Variants in SEC24B observed in about 807,000 individuals in gnomAD.
SEC24B encodes the protein protein transport protein Sec24B.
SEC24B carries 45 observed loss-of-function variants against 142.8 expected under a neutral mutation model. The ratio of observed to expected loss-of-function variants is 0.32; its 90% CI spans 0.25 to 0.40. SEC24B has a LOEUF of 0.40. Among genes scored for constraint, SEC24B ranks in the 10% least tolerant of loss-of-function variants. The pLI is 1.00. For synonymous variants in SEC24B, 574 were observed against 568.2 expected (o/e 1.01, Z -0.15); for missense variants, 1,409 against 1,526.8 (o/e 0.92, Z 1.29).
chr4:109,444,577 T>G (rs1205853084), intron 1 of SEC24B, among the ~76,000 whole-genome samples: 3 of 151,790 alleles, frequency 2.0e-5, no homozygotes, highest in Admixed American at 2.0e-4. Context: ...AGAGAATCAG[T>G]TTTCCTTTGG....
intron 2 of SEC24B, among the ~76,000 whole-genome samples, chr4:109,467,376 G>GTT (rs1334989182): frequency 1.3e-5 from 2 of 151,046 alleles, no homozygotes; most frequent in Admixed American, 1.3e-4. Flanking sequence ...TGTTTTGAGT[G>GTT]TTACATTAGT....
At chr4:109,519,266 A>G (rs1366794410) in intron 11 of SEC24B, among the ~76,000 whole-genome samples, 2 of 152,204 alleles carry the variant, frequency 1.3e-5, no homozygotes, top group East Asian at 3.9e-4. Flanking sequence ...AAAGTATGAT[A>G]TAGGAGCCAC....
At chr4:109,481,505 A>G (rs181726920) in intron 3 of SEC24B, among the ~76,000 whole-genome samples, 172 bp from the exon 4 acceptor site, 294 of 152,378 alleles carry the variant, frequency 1.9e-3, no homozygotes, top group Non-Finnish European at 3.5e-3. Context: ...ACTGCTTTGC[A>G]GAGATTTTCT....
chr4:109,463,557 T>A lies in SEC24B; in HGVS notation c.790T>A (p.Ser264Thr). ...LSGYSTLTWS[S>T]PGLPSTQDNL... ...AGGATACAGTACTCTAACGTGGTCA[T>A]CTCCAGGCCTTCCATCGACTCAAGA... Residue 264 changes from serine (S) to threonine (T), a missense_variant, in exon 2 of 24, where the codon TCT becomes ACT. Around this residue, in one of 2 missense-constraint regions of SEC24B, gnomAD observed 709 missense variants for 673.5 expected, o/e 1.05. Coordinates refer to ENST00000265175, the MANE Select transcript of SEC24B (RefSeq NM_006323.5). The A allele has an allele frequency of 6.2e-7, 1 of 1,614,148 alleles. No homozygotes were observed. The highest frequency in any genetic ancestry group is 2.2e-5 in the East Asian group (1 of 44,874).
chr4:109,437,351 A>G (rs1322272321), intron 1 of SEC24B, among the ~76,000 whole-genome samples: 2 of 152,156 alleles, frequency 1.3e-5, no homozygotes, highest in East Asian at 1.9e-4. Flanking sequence ...TGACTCCATC[A>G]TAGCTAACTG....
intron 1 of SEC24B, among the ~76,000 whole-genome samples, chr4:109,462,644 T>A (rs1383751920): frequency 2.0e-5 from 3 of 152,142 alleles, no homozygotes; most frequent in Admixed American, 6.5e-5. Context: ...TCATCACCTT[T>A]GCCGTATGCT....
intron 1 of SEC24B, among the ~76,000 whole-genome samples, chr4:109,460,046 G>GA (rs770411114): frequency 3.3e-5 from 5 of 152,074 alleles, no homozygotes; most frequent in Non-Finnish European, 5.9e-5. Flanking sequence ...AATAATCTAA[G>GA]AAAAGTAAAT....
intron 1 of SEC24B, 129 bp downstream of exon 1, chr4:109,434,131 C>T (rs1022174442): frequency 7.9e-5 from 47 of 598,700 alleles, no homozygotes; most frequent in African/African-American, 1.6e-4. Flanking sequence ...GGGACGGGAG[C>T]GGGCGCGGTG....
At chr4:109,489,606 T>C (rs1458006562) in intron 4 of SEC24B, among the ~76,000 whole-genome samples, 1 of 144,090 alleles carries the variant, frequency 6.9e-6, no homozygotes, top group East Asian at 1.9e-4. Context: ...AATAGAATTA[T>C]ATATATTATA....
chr4:109,509,936 T>C (rs1737141975), intron 7 of SEC24B, 73 bp from the exon 8 acceptor site: 2 of 853,806 alleles, frequency 2.3e-6, no homozygotes, highest in African/African-American at 3.5e-5. Context: ...TAAATGTTCT[T>C]AGTTATCTTA....
chr4:109,530,105 C>T (rs1240371357), intron 18 of SEC24B, among the ~76,000 whole-genome samples, 184 bp from the exon 19 acceptor site: 2 of 152,122 alleles, frequency 1.3e-5, no homozygotes, highest in African/African-American at 4.8e-5. Flanking sequence ...TTCTGATTGT[C>T]AGATTTATTT....
intron 21 of SEC24B, 45 bp downstream of exon 21, chr4:109,532,788 C>A (rs376252432): frequency 1.0e-6 from 1 of 981,376 alleles, no homozygotes; most frequent in Admixed American, 1.8e-5. Context: ...TTGAGCTGAC[C>A]AAAAACAAAG....
intron 22 of SEC24B, among the ~76,000 whole-genome samples, chr4:109,534,872 A>T (rs555364093): frequency 3.3e-5 from 5 of 152,286 alleles, no homozygotes; most frequent in Admixed American, 1.3e-4. Context: ...GAGATGGGGT[A>T]TCCCTGTGTA....
intron 1 of SEC24B, among the ~76,000 whole-genome samples, chr4:109,456,744 C>G (rs531417821): frequency 6.6e-6 from 1 of 152,150 alleles, no homozygotes; most frequent in Non-Finnish European, 1.5e-5. Context: ...AATATGAACC[C>G]CATTTGGTCA....
At chr4:109,462,856 A>G in intron 1 of SEC24B, 45 bp from the exon 2 acceptor site, 1 of 1,426,496 alleles carries the variant, frequency 7.0e-7, no homozygotes, top group Non-Finnish European at 9.4e-7. Flanking sequence ...ATTTTTAAAA[A>G]TTAGTTATCT....
chr4:109,531,849 T>C lies in SEC24B; in HGVS notation c.3390+327T>C, dbSNP rs72898782. Among the ~76,000 whole-genome samples, 561 of 152,276 alleles carry C rather than the reference T, an allele frequency of 3.7e-3. 5 individuals carry two copies. The highest frequency in any genetic ancestry group is 0.013 in the African/African-American group (546 of 41,564). On this transcript the variant is annotated intron_variant, in intron 20 of 23. Transcript: ENST00000265175. ...TTTTGTAGATATTGACTGCTTCTCT[T>C]TATTTTCTTTTTTTTAAATTTTATT...
intron 1 of SEC24B, among the ~76,000 whole-genome samples, chr4:109,458,535 A>T (rs1357812927): frequency 6.6e-6 from 1 of 152,226 alleles, no homozygotes; most frequent in Admixed American, 6.5e-5. Context: ...TTACCTACAG[A>T]TCTATTTATT....
At chr4:109,518,220 TC>T (rs1372436218) in intron 11 of SEC24B, among the ~76,000 whole-genome samples, 1 of 152,170 alleles carries the variant, frequency 6.6e-6, no homozygotes, top group Non-Finnish European at 1.5e-5. Flanking sequence ...TATACCTGGC[TC>T]TAATTCCCTC....
intron 4 of SEC24B, among the ~76,000 whole-genome samples, chr4:109,490,601 T>C (rs1734924341): frequency 6.6e-6 from 1 of 152,158 alleles, no homozygotes; most frequent in South Asian, 2.1e-4. Context: ...GTTGAATGAA[T>C]GGAAGAAGTA....
Sources: gnomAD v4.1 joint callset for allele counts (sites outside exome capture counted in the v4.1 genomes callset) on GRCh38, gnomAD v4.1.1 for gene constraint, gnomAD v4.1.1 regional missense constraint, MANE v1.5 for transcripts, NCBI Gene and HGNC (gene_info 2026-07-23, HGNC 2026-07-21) for gene names.